The following SH3KBP1 variants were observed in gnomAD, a reference collection of about 807,000 sequenced individuals.
The protein encoded by SH3KBP1 is SH3 domain-containing kinase-binding protein 1.
Under a neutral mutation model 50.1 loss-of-function variants are expected in SH3KBP1, and 8 were observed. That is an observed-to-expected ratio of 0.16 (90% confidence interval 0.09 to 0.29). The LOEUF is 0.29. SH3KBP1 is among the 10% of genes least tolerant of loss of function. The pLI, the probability that SH3KBP1 is intolerant of heterozygous loss-of-function variation, is 1.00. For synonymous variants in SH3KBP1, 227 were observed against 218.6 expected (o/e 1.04, Z -0.34); for missense variants, 377 against 535.2 (o/e 0.70, Z 2.92).
At chrX:19,838,672 A>G (rs1424974126) in intron 1 of SH3KBP1, among the ~76,000 whole-genome samples, 1 of 111,119 alleles carries the variant, frequency 9.0e-6, no homozygotes, top group Non-Finnish European at 1.9e-5. Context: ...GCGGATCACA[A>G]GGTCAGGAGT....
At chrX:19,713,867 G>A (rs749503320) in intron 3 of SH3KBP1, among the ~76,000 whole-genome samples, 45 of 111,533 alleles carry the variant, frequency 4.0e-4, no homozygotes, top group Admixed American at 1.9e-4. Context: ...CTACCTCCAC[G>A]AGATCAACCT....
At chrX:19,745,155 A>T (rs2064880862) in intron 3 of SH3KBP1, among the ~76,000 whole-genome samples, 1 of 112,855 alleles carries the variant, frequency 8.9e-6, no homozygotes, top group African/African-American at 3.2e-5. Flanking sequence ...TTTGGGCAAG[A>T]CTGTAGTTTT....
At chrX:19,675,690 C>T (rs1180708855) in intron 6 of SH3KBP1, among the ~76,000 whole-genome samples, 3 of 111,941 alleles carry the variant, frequency 2.7e-5, no homozygotes, top group African/African-American at 9.7e-5. Flanking sequence ...CCACACCCGG[C>T]CAACCACTAT....
Position 19,534,842 on chromosome X carries a change from G to A in SH3KBP1, c.*1575C>T, listed in dbSNP as rs1020533686. ...GCACATAGGTTAAGAGGAAGGCAGG[G>A]GGAGGAAGGGAGGAAGAGAAAGGAA... On this transcript the variant is annotated 3_prime_UTR_variant, in exon 18 of 18. Transcript: ENST00000397821. 3.0e-5 allele frequency: 9 copies of A among 295,842 alleles called. No individual in the cohort carries two copies. Among genetic ancestry groups the A allele is most frequent in the Non-Finnish European group, 4.7e-5 (8 of 170,093 alleles). 24.4% of individuals were successfully genotyped at this position (295,842 alleles called of 1,213,427 possible).
intron 16 of SH3KBP1, 21 bp from the exon 17 acceptor site, chrX:19,537,801 A>G (rs762514885): frequency 1.7e-6 from 2 of 1,153,878 alleles, no homozygotes; most frequent in Admixed American, 4.4e-5. Flanking sequence ...AATGGCAATG[A>G]AATTAACCAA....
chrX:19,802,627 A>G (rs1010108474), intron 2 of SH3KBP1, among the ~76,000 whole-genome samples: 1 of 111,018 alleles, frequency 9.0e-6, no homozygotes, highest in African/African-American at 3.3e-5. Flanking sequence ...ATCAAGCTGT[A>G]GGCCTCTGTT....
At position 19,554,377 on chromosome X, in the gene SH3KBP1, A is replaced by ATATATATATTAAAATATAATATATAT. The variant is rs766423397; in HGVS notation, c.1385-4295_1385-4294insATATATATTATATTTTAATATATATA. 6.6e-4 allele frequency among the ~76,000 whole-genome samples: 59 copies of ATATATATATTAAAATATAATATATAT among 89,826 alleles called. 2 individuals carry two copies. Among genetic ancestry groups the ATATATATATTAAAATATAATATATAT allele is most frequent in the African/African-American group, 2.5e-3 (55 of 21,736 alleles). The allele number at this position is 89,826 out of a possible 115,157, so 78.0% of individuals were successfully genotyped here. On this transcript the variant is annotated intron_variant, in intron 13 of 17. Coordinates refer to ENST00000397821, the MANE Select transcript of SH3KBP1 (RefSeq NM_031892.3). Reference sequence around the variant, plus strand: ...ATATTATATATCATATTAAAATATAATATATATCATATTAAAATATGATAT... The same window carrying ATATATATATTAAAATATAATATATAT: ...ATATTATATATCATATTAAAATATAATATATATATTAAAATATAATATATATTATATATCATATTAAAATATGATAT...
chrX:19,760,023 CCT>C (rs375944570), intron 2 of SH3KBP1, among the ~76,000 whole-genome samples: 3 of 83,557 alleles, frequency 3.6e-5, no homozygotes, highest in African/African-American at 5.9e-5. Context: ...CTCTCTCTCT[CCT>C]CTCTCTCTCT....
At chrX:19,558,775 A>G (rs997048917) in intron 13 of SH3KBP1, among the ~76,000 whole-genome samples, 3 of 112,308 alleles carry the variant, frequency 2.7e-5, no homozygotes, top group African/African-American at 9.7e-5. Flanking sequence ...CATTATTATT[A>G]GTATACAAAT....
intron 1 of SH3KBP1, among the ~76,000 whole-genome samples, chrX:19,863,334 A>G (rs2068824189): frequency 9.0e-6 from 1 of 111,152 alleles, no homozygotes; most frequent in Admixed American, 9.5e-5. Context: ...AGTAACAGGG[A>G]CTATAGGTAT....
intron 1 of SH3KBP1, among the ~76,000 whole-genome samples, chrX:19,859,601 C>T (rs1178171320): frequency 8.9e-6 from 1 of 112,043 alleles, no homozygotes; most frequent in Non-Finnish European, 1.9e-5. Context: ...CATGCCTATA[C>T]CATCCTGCCT....
In SH3KBP1 at chrX:19,668,935, AATATATATATATATATATATATAT is replaced by A. The variant is rs56844238; in HGVS notation, c.726+14864_726+14887del. 2.1e-4 allele frequency among the ~76,000 whole-genome samples: 7 copies of A among 32,878 alleles called. 1 individual carries two copies. The Admixed American group carries it at 2.5e-3, about 12-fold the overall frequency. 28.6% of individuals were successfully genotyped at this position (32,878 alleles called of 115,157 possible). ...GTTCCTGAATGATAGGATTGAGGGT[AATATATATATATATATATATATAT>A]ATATATATATATATATTTTTTGAGA... On this transcript the variant is annotated intron_variant, in intron 6 of 17. Transcript: ENST00000397821.
chrX:19,731,075 G>A (rs1469494014), intron 3 of SH3KBP1, among the ~76,000 whole-genome samples: 1 of 111,249 alleles, frequency 9.0e-6, no homozygotes, highest in Non-Finnish European at 1.9e-5. Flanking sequence ...GAGTAGCTGG[G>A]ATTACAGGCA....
chrX:19,812,744 G>C (rs1478236336), intron 2 of SH3KBP1, among the ~76,000 whole-genome samples: 1 of 110,635 alleles, frequency 9.0e-6, no homozygotes, highest in Non-Finnish European at 1.9e-5. Flanking sequence ...GGAAGACAAG[G>C]TGGGCGGATC....
chrX:19,554,206 AAATAT>A (rs1228841595), intron 13 of SH3KBP1, among the ~76,000 whole-genome samples: 1 of 78,224 alleles, frequency 1.3e-5, no homozygotes. Flanking sequence ...TATCATATTA[AAATAT>A]AATATTATAT....
chrX:19,667,812 A>AT (rs779927127), intron 6 of SH3KBP1, among the ~76,000 whole-genome samples: 1,769 of 55,867 alleles, frequency 0.032, 91 homozygotes, highest in East Asian at 0.073. Flanking sequence ...TTCTGTTGGG[A>AT]TTTTTTTTTT....
chrX:19,579,987 G>A (rs866551673), intron 12 of SH3KBP1, among the ~76,000 whole-genome samples: 1 of 111,857 alleles, frequency 8.9e-6, no homozygotes, highest in Non-Finnish European at 1.9e-5. Flanking sequence ...CCCTGAGGTG[G>A]AGCAGTTTGT....
intron 2 of SH3KBP1, among the ~76,000 whole-genome samples, chrX:19,769,323 T>C (rs1302143897): frequency 1.8e-5 from 2 of 109,095 alleles, no homozygotes; most frequent in Non-Finnish European, 3.8e-5. Flanking sequence ...AGGCTGGTCT[T>C]GAACTCCTGG....
chrX:19,758,222 G>T (rs1273983769), intron 2 of SH3KBP1, among the ~76,000 whole-genome samples: 1 of 108,449 alleles, frequency 9.2e-6, no homozygotes, highest in African/African-American at 3.3e-5. Context: ...CAGCTACTCG[G>T]GAGGCTGAGG....
Sources: gnomAD v4.1 joint callset for allele counts (sites outside exome capture counted in the v4.1 genomes callset) on GRCh38, gnomAD v4.1.1 for gene constraint, MANE v1.5 for transcripts, NCBI Gene and HGNC (gene_info 2026-07-23, HGNC 2026-07-21) for gene names.